The following DLG5 variants were observed in gnomAD, a reference collection of about 807,000 sequenced individuals.
DLG5 encodes the protein disks large homolog 5.
DLG5 carries 48 observed loss-of-function variants against 189.8 expected under a neutral mutation model. That is an observed-to-expected ratio of 0.25 (90% CI 0.20 to 0.32). DLG5 has a LOEUF of 0.32. DLG5 is among the 10% of genes least tolerant of loss of function. The pLI, the probability that DLG5 is intolerant of heterozygous loss-of-function variation, is 1.00. For synonymous variants in DLG5, 1,016 were observed against 1,054.1 expected (o/e 0.96, Z 0.70); for missense variants, 2,160 against 2,544.7 (o/e 0.85, Z 3.25).
rs149393338 is a variant in DLG5, at chr10:77,828,887, C to T, written c.2284G>A (p.Val762Ile). 1.0e-4 allele frequency: 161 copies of T among 1,614,162 alleles called. No individual in the cohort carries two copies. Among genetic ancestry groups the T allele is most frequent in the East Asian group, 3.8e-4 (17 of 44,890 alleles). Residue 762 changes from valine (V) to isoleucine (I), a missense_variant, in exon 13 of 32, where the codon GTT (valine) becomes ATT (isoleucine). Val to Ile is a conservative substitution (Grantham distance 29). Around this residue, in one of 5 missense-constraint regions of DLG5, gnomAD observed 107 missense variants for 214.5 expected, o/e 0.50. Transcript: ENST00000372391. Reference sequence around the variant, plus strand: ...GCTCCAGCCTTGAGACTTACCGCAACGATCCTGTCTCCCACAGCAAGGGAC... The same window carrying T: ...GCTCCAGCCTTGAGACTTACCGCAATGATCCTGTCTCCCACAGCAAGGGAC... ...EGSLAVGDRIVAINGIALDNK... is the reference protein window; with the variant it reads ...EGSLAVGDRIIAINGIALDNK...
rs56064256 is a variant in DLG5 at position 77,885,232 on chromosome 10, T to C, written c.305-16035A>G. 3.2e-3 allele frequency among the ~76,000 whole-genome samples: 487 copies of C among 151,748 alleles called. 4 individuals carry two copies. Among genetic ancestry groups the C allele is most frequent in the African/African-American group, 0.011 (467 of 41,550 alleles). On this transcript the variant is annotated intron_variant, in intron 1 of 31. Coordinates refer to ENST00000372391, the MANE Select transcript of DLG5 (RefSeq NM_004747.4). ...GAGCATGAGCCCATTCTTAGATGCC[T>C]ACGCTCAGAAAACAGGCCCATGCTA...
chr10:77,806,718 A>AGGCCCCCCCCCCCCCCC, intron 26 of DLG5, 40 bp downstream of exon 26: 3 of 1,333,652 alleles, frequency 2.2e-6, no homozygotes, highest in Non-Finnish European at 2.1e-6. Context: ...GCCCTCGGCG[A>AGGCCCCCCCCCCCCCCC]CCCCTGCCCC....
chr10:77,818,192 C>G (rs1288156947), intron 17 of DLG5, among the ~76,000 whole-genome samples: 5 of 152,200 alleles, frequency 3.3e-5, no homozygotes, highest in Admixed American at 1.3e-4. Context: ...GTTTTGCAAC[C>G]TGGGTGGGCC....
intron 1 of DLG5, among the ~76,000 whole-genome samples, chr10:77,921,520 T>C (rs937065550): frequency 2.6e-5 from 4 of 152,202 alleles, no homozygotes; most frequent in African/African-American, 7.2e-5. Context: ...AGCCTAGCCA[T>C]TAAGGTCCTC....
At chr10:77,850,699 C>T (rs1843926457) in intron 5 of DLG5, among the ~76,000 whole-genome samples, 1 of 152,226 alleles carries the variant, frequency 6.6e-6, no homozygotes, top group Non-Finnish European at 1.5e-5. Context: ...TAAACCCAGA[C>T]TTGACAGGAT....
intron 1 of DLG5, among the ~76,000 whole-genome samples, chr10:77,922,956 T>C (rs550331868): frequency 6.6e-6 from 1 of 152,352 alleles, no homozygotes; most frequent in East Asian, 1.9e-4. Flanking sequence ...CCCAGGCACA[T>C]GTCCTCCCCA....
intron 9 of DLG5, among the ~76,000 whole-genome samples, chr10:77,832,414 C>G (rs1450877900): frequency 6.6e-6 from 1 of 152,246 alleles, no homozygotes; most frequent in African/African-American, 2.4e-5. Context: ...CTCCAGCAGA[C>G]AGGCCCCAGG....
Position 77,792,139 on chromosome 10 carries a change from G to GTTCTC in DLG5, c.*296_*300dup, listed in dbSNP as rs1441061049. On this transcript the variant is annotated 3_prime_UTR_variant, in exon 32 of 32. Transcript: ENST00000372391. ...GGCTTGTAAACGAGTGATCCGAAAG[G>GTTCTC]TTCTCTTTGCAGCATCTCTGATCAG... 1 of 426,068 alleles carries GTTCTC rather than the reference G, an allele frequency of 2.3e-6. No homozygotes were observed. Among genetic ancestry groups the GTTCTC allele is most frequent in the East Asian group, 4.2e-5 (1 of 23,970 alleles). 26.4% of individuals were successfully genotyped at this position (426,068 alleles called of 1,614,324 possible). A position where few individuals can be genotyped will look rare whatever the true frequency, so the allele number is the denominator to read the frequency against.
chr10:77,939,426 G>A, the DLG5 span, among the ~76,000 whole-genome samples: 1 of 152,152 alleles, frequency 6.6e-6, no homozygotes, highest in Non-Finnish European at 1.5e-5. Flanking sequence ...GAATTCTGGT[G>A]TGGGTAAAAC....
At chr10:77,830,901 G>C (rs765012726) in intron 9 of DLG5, 28 bp from the exon 10 acceptor site, 4 of 1,611,270 alleles carry the variant, frequency 2.5e-6, no homozygotes, top group Non-Finnish European at 3.4e-6. Flanking sequence ...CACGGTGACA[G>C]CCCCTTGGGA....
rs1054312867 is a variant in DLG5 at position 77,791,560 on chromosome 10, T to C, written c.*880A>G. ...GATGTACCTGCCACCCTCTAAAAAG[T>C]TTAAGAATTACCCTGCAAACATTGC... On this transcript the variant is annotated 3_prime_UTR_variant, in exon 32 of 32. Coordinates refer to ENST00000372391, the MANE Select transcript of DLG5 (RefSeq NM_004747.4). 2 of 152,090 alleles carry C rather than the reference T, an allele frequency of 1.3e-5. No homozygotes were observed. Among genetic ancestry groups the C allele is most frequent in the Middle Eastern group, 3.2e-3 (1 of 316 alleles). The allele number at this position is 152,090 out of a possible 1,614,324, so 9.4% of individuals were successfully genotyped here. A position where few individuals can be genotyped will look rare whatever the true frequency, so the allele number is the denominator to read the frequency against.
intron 20 of DLG5, among the ~76,000 whole-genome samples, chr10:77,814,461 T>TATATATA (rs1841938538): frequency 1.4e-5 from 1 of 70,700 alleles, no homozygotes. Context: ...TAAAGCATGT[T>TATATATA]TATATATATA....
intron 2 of DLG5, among the ~76,000 whole-genome samples, chr10:77,859,140 T>C (rs1482063289): frequency 6.6e-6 from 1 of 152,152 alleles, no homozygotes; most frequent in Non-Finnish European, 1.5e-5. Flanking sequence ...CCTCCCAAAG[T>C]GGTCGGATTA....
chr10:77,825,993 C>A (rs1217624985), intron 13 of DLG5, among the ~76,000 whole-genome samples: 1 of 152,124 alleles, frequency 6.6e-6, no homozygotes, highest in Non-Finnish European at 1.5e-5. Flanking sequence ...TCTGGCTCCC[C>A]AAAAAATCTG....
At chr10:77,807,607 C>A (rs7913134) in intron 25 of DLG5, among the ~76,000 whole-genome samples, 189 bp downstream of exon 25, 4,927 of 152,242 alleles carry the variant, frequency 0.032, 267 homozygotes, top group African/African-American at 0.11. Context: ...TTCTTTAAGC[C>A]CTAAAGGGTT....
intron 5 of DLG5, among the ~76,000 whole-genome samples, chr10:77,847,860 C>G (rs1447391409): frequency 6.6e-6 from 1 of 152,192 alleles, no homozygotes; most frequent in Non-Finnish European, 1.5e-5. Flanking sequence ...ACACGCCCCA[C>G]CACACCTGGC....
rs758386827 is a variant in DLG5 at position 77,843,615 on chromosome 10, G to A, written c.956C>T (p.Ala319Val). 4 of 1,613,844 alleles carry A rather than the reference G, an allele frequency of 2.5e-6. No homozygotes were observed. Among genetic ancestry groups the A allele is most frequent in the African/African-American group, 1.3e-5 (1 of 74,952 alleles). Residue 319 changes from alanine (A) to valine (V), a missense_variant, in exon 6 of 32, where the codon GCC (alanine) becomes GTC (valine). Transcript: ENST00000372391. ...KLEVVKKDYD[A>V]LRKRYSEKVA... ...TTTCTCACTGTACCTCTTCCGAAGG[G>A]CGTCATAGTCCTTCTTGACCACCTC...
At position 77,809,803 on chromosome 10, in the gene DLG5, G is replaced by C. The variant is rs1445401651; in HGVS notation, c.4464-73C>G. The C allele has an allele frequency of 2.0e-6, 3 of 1,503,178 alleles. No homozygotes were observed. The South Asian group carries it at 3.9e-5, about 20-fold the overall frequency. 93.1% of individuals were successfully genotyped at this position (1,503,178 alleles called of 1,614,324 possible). A position where few individuals can be genotyped will look rare whatever the true frequency, so the allele number is the denominator to read the frequency against. ...ACAAAAAGACAAAGCAGTGGCCAAT[G>C]CCCTAACCGCTTTCTGCCTGCTTCT... On this transcript the variant is annotated intron_variant, in intron 23 of 31. Coordinates refer to ENST00000372391, the MANE Select transcript of DLG5 (RefSeq NM_004747.4).
intron 2 of DLG5, among the ~76,000 whole-genome samples, chr10:77,858,409 C>T (rs746367360): frequency 7.9e-5 from 12 of 152,128 alleles, no homozygotes; most frequent in East Asian, 1.9e-4. Flanking sequence ...CCAAGGCAGA[C>T]GGATCCCTTG....
Sources: gnomAD v4.1 joint callset for allele counts (sites outside exome capture counted in the v4.1 genomes callset) on GRCh38, gnomAD v4.1.1 for gene constraint, gnomAD v4.1.1 regional missense constraint, MANE v1.5 for transcripts, NCBI Gene and HGNC (gene_info 2026-07-23, HGNC 2026-07-21) for gene names.